The following MALRD1 variants were observed in gnomAD, a reference collection of about 807,000 sequenced individuals.
MALRD1 encodes MAM and LDL receptor class A domain containing 1.
MALRD1 carries 247 observed loss-of-function variants against 242.1 expected under a neutral mutation model. The ratio of observed to expected loss-of-function variants is 1.02; its 90% CI spans 0.92 to 1.13. The LOEUF is 1.13. Ranked by LOEUF, MALRD1 falls within the 50% of genes most tolerant of loss-of-function variation. MALRD1 has a pLI of 0.00. For synonymous variants in MALRD1, 995 were observed against 866.6 expected, an observed-to-expected ratio of 1.15 and a Z score of -2.60; for missense variants, 2,989 against 2,533.1, an observed-to-expected ratio of 1.18 and a Z score of -3.86.
intron 18 of MALRD1, among the ~76,000 whole-genome samples, chr10:19,225,381 T>C (rs895074061): frequency 2.6e-5 from 4 of 152,198 alleles, no homozygotes; most frequent in African/African-American, 9.6e-5. Flanking sequence ...AAACCTCTGT[T>C]TATACTGATG....
At chr10:19,225,659 C>T (rs757922053) in intron 18 of MALRD1, among the ~76,000 whole-genome samples, 5 of 152,128 alleles carry the variant, frequency 3.3e-5, no homozygotes, top group Non-Finnish European at 5.9e-5. Context: ...CTACACCCAC[C>T]GTTTCCCTGA....
At chr10:19,242,193 G>A (rs908994429) in intron 18 of MALRD1, among the ~76,000 whole-genome samples, 10 of 152,252 alleles carry the variant, frequency 6.6e-5, no homozygotes, top group Admixed American at 2.0e-4. Context: ...TTACATGGTA[G>A]CAAACAAAAT....
intron 12 of MALRD1, among the ~76,000 whole-genome samples, chr10:19,163,490 G>A (rs72790785): frequency 0.071 from 10,657 of 150,986 alleles, 439 homozygotes; most frequent in East Asian, 0.21. Flanking sequence ...AACAGACACG[G>A]GGGTCTACTT....
intron 12 of MALRD1, among the ~76,000 whole-genome samples, chr10:19,163,137 T>TGAAAAAAAAA (rs1491309752): frequency 6.8e-5 from 3 of 43,854 alleles, no homozygotes; most frequent in East Asian, 9.9e-4. Flanking sequence ...AAACCCTGTC[T>TGAAAAAAAAA]AAAAAAAAAA....
At chr10:19,190,340 T>C (rs111887509) in intron 14 of MALRD1, among the ~76,000 whole-genome samples, 5,336 of 152,148 alleles carry the variant, frequency 0.035, 153 homozygotes, top group Middle Eastern at 0.1. Context: ...TGTTCATAGA[T>C]CAGAAGACGT....
chr10:19,232,699 G>C (rs1838135664), intron 18 of MALRD1, among the ~76,000 whole-genome samples: 1 of 152,084 alleles, frequency 6.6e-6, no homozygotes, highest in African/African-American at 2.4e-5. Flanking sequence ...AAAGAATAGA[G>C]AACAATTTCA....
intron 28 of MALRD1, among the ~76,000 whole-genome samples, chr10:19,405,690 C>T (rs1427945334): frequency 6.6e-6 from 1 of 152,146 alleles, no homozygotes; most frequent in African/African-American, 2.4e-5. Flanking sequence ...AATCAGATAT[C>T]AAACTTTCAC....
At chr10:19,601,746 A>G (rs995612869) in intron 34 of MALRD1, among the ~76,000 whole-genome samples, 2 of 152,054 alleles carry the variant, frequency 1.3e-5, no homozygotes, top group African/African-American at 2.4e-5. Context: ...TACCAGTCAC[A>G]GTAGAAATTG....
chr10:19,543,433 C>CTTTTCTTTTT, intron 32 of MALRD1, among the ~76,000 whole-genome samples: 1 of 106,436 alleles, frequency 9.4e-6, no homozygotes, highest in East Asian at 2.9e-4. Flanking sequence ...CAGCTGATTT[C>CTTTTCTTTTT]TTTTTTTTTT....
At chr10:19,586,973 G>A (rs1418118721) in intron 33 of MALRD1, among the ~76,000 whole-genome samples, 1 of 152,204 alleles carries the variant, frequency 6.6e-6, no homozygotes, top group African/African-American at 2.4e-5. Flanking sequence ...TATTTGGGTG[G>A]GAGTGACCCG....
chr10:19,428,760 C>T (rs531874999), intron 28 of MALRD1, among the ~76,000 whole-genome samples: 4 of 152,122 alleles, frequency 2.6e-5, no homozygotes, highest in South Asian at 2.1e-4. Context: ...TTAAAGTTTA[C>T]GTATAAGTTA....
rs1167972175 is a variant in MALRD1, at chr10:19,257,664, T to C, written c.2992-20T>C. Reference sequence around the variant, plus strand: ...ACATAAACACATTTCTTATTTTTATTTTTTATTTTATTTTTTTAGATATTG... The same window carrying C: ...ACATAAACACATTTCTTATTTTTATCTTTTATTTTATTTTTTTAGATATTG... On this transcript the variant is annotated intron_variant, in intron 18 of 39. Transcript: ENST00000454679. 6 of 1,486,698 alleles carry C rather than the reference T, an allele frequency of 4.0e-6. No individual in the cohort carries two copies. The highest frequency in any genetic ancestry group is 5.5e-6 in the Non-Finnish European group (6 of 1,098,460). The allele number at this position is 1,486,698 out of a possible 1,614,324, so 92.1% of individuals were successfully genotyped here.
chr10:19,566,278 C>A (rs1247286110), intron 32 of MALRD1, among the ~76,000 whole-genome samples: 1 of 151,080 alleles, frequency 6.6e-6, no homozygotes, highest in Non-Finnish European at 1.5e-5. Flanking sequence ...ACTACGGGCA[C>A]CTGCCACCAT....
Position 19,431,788 on chromosome 10 carries a change from C to G in MALRD1, c.4846-18519C>G, listed in dbSNP as rs1010841963. Among the ~76,000 whole-genome samples the G allele has an allele frequency of 2.6e-5, 4 of 152,242 alleles. 1 individual carries two copies. ...AGCTGAGTTATGTCCAATAATTTTG[C>G]CATAAAGTACTGTTCTTCTGTTTGC... On this transcript the variant is annotated intron_variant, in intron 28 of 39. Coordinates refer to ENST00000454679, the MANE Select transcript of MALRD1 (RefSeq NM_001142308.3).
chr10:19,472,745 A>G (rs1836556452), intron 29 of MALRD1, among the ~76,000 whole-genome samples: 1 of 151,814 alleles, frequency 6.6e-6, no homozygotes, highest in Admixed American at 6.6e-5. Flanking sequence ...AACAGTGGTA[A>G]TGTCATTTAT....
chr10:19,664,748 C>T (rs151205806), intron 36 of MALRD1, among the ~76,000 whole-genome samples: 2 of 151,518 alleles, frequency 1.3e-5, no homozygotes, highest in Admixed American at 6.6e-5. Context: ...CAGTTTAAAC[C>T]GAAAACCTCA....
Position 19,542,571 on chromosome 10 carries a change from C to T in MALRD1, c.5478+11220C>T, listed in dbSNP as rs562087558. Among the ~76,000 whole-genome samples the T allele has an allele frequency of 3.0e-4, 45 of 151,990 alleles. 1 individual carries two copies. In the South Asian group the frequency reaches 9.1e-3, roughly 31 times the overall value. ...AATTGCAGTATAGTAGTTCCAATATCATTGATATAATTCTTTGTCCTCTCC... is the reference window on the plus strand; with the variant it reads ...AATTGCAGTATAGTAGTTCCAATATTATTGATATAATTCTTTGTCCTCTCC... On this transcript the variant is annotated intron_variant, in intron 32 of 39. Transcript: ENST00000454679.
chr10:19,733,231 C>G (rs1005721712), intron 39 of MALRD1, among the ~76,000 whole-genome samples: 2 of 152,164 alleles, frequency 1.3e-5, no homozygotes, highest in African/African-American at 2.4e-5. Flanking sequence ...TCATTGTAAG[C>G]AACTGCCACG....
intron 38 of MALRD1, among the ~76,000 whole-genome samples, chr10:19,696,698 G>A (rs1424842138): frequency 6.6e-6 from 1 of 151,898 alleles, no homozygotes; most frequent in Non-Finnish European, 1.5e-5. Flanking sequence ...CTTGAGGTCA[G>A]GAGTTCAAGA....
Sources: allele counts gnomAD v4.1 joint callset (sites outside exome capture counted in the v4.1 genomes callset), GRCh38; gene constraint gnomAD v4.1.1; transcripts MANE v1.5; gene names NCBI Gene and HGNC (gene_info 2026-07-23, HGNC 2026-07-21).